ALPK2: variants seen among roughly 807,000 people sequenced by gnomAD.
ALPK2 encodes alpha-protein kinase 2.
Under a neutral mutation model 163.1 loss-of-function variants are expected in ALPK2, and 127 were observed. The observed-to-expected ratio is 0.78, with a 90% CI of 0.67 to 0.90. ALPK2 has a LOEUF of 0.90. ALPK2 is among the 40% of genes least tolerant of loss of function. ALPK2 has a pLI of 0.00. For missense variants in ALPK2, 2,360 were observed against 2,589.6 expected, an observed-to-expected ratio of 0.91 and a Z score of 1.92; for synonymous variants, 953 against 959.1, an observed-to-expected ratio of 0.99 and a Z score of 0.12.
At chr18:58,577,452 G>A (rs999714196) in intron 4 of ALPK2, among the ~76,000 whole-genome samples, 9 of 152,300 alleles carry the variant, frequency 5.9e-5, no homozygotes, top group East Asian at 1.9e-4. Context: ...AGCTGAGCAC[G>A]GAAGAGCATT....
chr18:58,523,293 T>A, intron 8 of ALPK2, among the ~76,000 whole-genome samples: 1 of 152,008 alleles, frequency 6.6e-6, no homozygotes, highest in Non-Finnish European at 1.5e-5. Flanking sequence ...ATGTGCCACA[T>A]TTTCTTAATC....
Position 58,504,064 on chromosome 18 carries a change from C to T in ALPK2, c.6114G>A (p.Val2038=), listed in dbSNP as rs774752276. The change falls in exon 11 of 13, where the codon GTG becomes GTA. Residue 2038 remains valine (V), a synonymous_variant. Transcript: ENST00000361673. ...TVEEELIGEF[V]KYSIRDGKEI... is the part of the protein sequence containing the mutation. ...CTTTCCCATCCCTGATGGAATACTT[C>T]ACAAATTCTCCAATCAGCTCCTCCT... The T allele has an allele frequency of 1.4e-5, 22 of 1,614,076 alleles. No homozygotes were observed. The highest frequency in any genetic ancestry group is 1.7e-5 in the Admixed American group (1 of 60,006).
chr18:58,604,421 C>T (rs1458708164), intron 3 of ALPK2, among the ~76,000 whole-genome samples: 2 of 152,148 alleles, frequency 1.3e-5, no homozygotes, highest in African/African-American at 4.8e-5. Flanking sequence ...ATGCTTAGGA[C>T]GTAGAGCGTG....
chr18:58,482,130 T>C (rs890585885), intron 12 of ALPK2, 91 bp from the exon 13 acceptor site: 15 of 877,482 alleles, frequency 1.7e-5, no homozygotes, highest in Non-Finnish European at 2.2e-5. Flanking sequence ...AAACTAATGG[T>C]GCATGGAACA....
At position 58,565,738 on chromosome 18, in the gene ALPK2, CCTT is replaced by C. The variant is rs1417836084; in HGVS notation, c.1962+13073_1962+13075del. Among the ~76,000 whole-genome samples the C allele has an allele frequency of 6.5e-4, 44 of 67,920 alleles. 1 individual carries two copies. The highest frequency in any genetic ancestry group is 6.8e-4 in the Non-Finnish European group (23 of 33,672). The allele number at this position is 67,920 out of a possible 152,430, so 44.6% of individuals were successfully genotyped here. On this transcript the variant is annotated intron_variant, in intron 4 of 12. Coordinates refer to ENST00000361673, the MANE Select transcript of ALPK2 (RefSeq NM_052947.4). ...TTGATATTTCTCTTTTTTGTTCCTT[CCTT>C]CCTTCCTTCCTTCCTTCCTTCCTTC...
intron 11 of ALPK2, among the ~76,000 whole-genome samples, chr18:58,502,116 C>CA (rs2051434159): frequency 7.2e-6 from 1 of 138,280 alleles, no homozygotes. Context: ...GCCTGAGCAA[C>CA]AAAGTGAAAC....
chr18:58,611,646 A>C, intron 2 of ALPK2, 43 bp downstream of exon 2: 1 of 1,538,340 alleles, frequency 6.5e-7, no homozygotes, highest in Admixed American at 1.8e-5. Flanking sequence ...CCTGGTATGC[A>C]GGGAGATTTT....
chr18:58,486,647 C>G (rs2051340620), intron 12 of ALPK2, among the ~76,000 whole-genome samples: 1 of 152,208 alleles, frequency 6.6e-6, no homozygotes, highest in African/African-American at 2.4e-5. Flanking sequence ...TGTTGAACTT[C>G]CCTTTCCCTG....
At chr18:58,621,237 A>C (rs141467450) in intron 1 of ALPK2, among the ~76,000 whole-genome samples, 1 of 152,130 alleles carries the variant, frequency 6.6e-6, no homozygotes, top group African/African-American at 2.4e-5. Flanking sequence ...ACATTAAATG[A>C]AATAAACAAT....
At chr18:58,609,783 C>T (rs1453539163) in intron 2 of ALPK2, among the ~76,000 whole-genome samples, 1 of 152,152 alleles carries the variant, frequency 6.6e-6, no homozygotes, top group Non-Finnish European at 1.5e-5. Flanking sequence ...AGAGCCACCT[C>T]CTAAACATTT....
At chr18:58,525,826 GCAGTAGTATTAGTGGGGAA>G (rs1208705818) in intron 6 of ALPK2, among the ~76,000 whole-genome samples, 1 of 152,170 alleles carries the variant, frequency 6.6e-6, no homozygotes, top group Non-Finnish European at 1.5e-5. Flanking sequence ...TTCGTGGTGA[GCAGTAGTATTAGTGGGGAA>G]CAGTAGTATT....
In ALPK2 at chr18:58,579,404, C is replaced by T. The variant is rs1245455690; in HGVS notation, c.1372G>A (p.Ala458Thr). ...RYKLPTAPEA[A>T]ENDYPGIQGE... ...TGAATTCCTGGATAATCATTTTCAG[C>T]AGCCTCGGGAGCAGTGGGGAGTTTA... The change falls in exon 4 of 13, where the codon GCT becomes ACT. Residue 458 changes from alanine to threonine, a missense_variant. Physicochemically the swap from Ala to Thr is moderately conservative, Grantham distance 58. Transcript: ENST00000361673. 1 of 1,614,182 alleles carries T rather than the reference C, an allele frequency of 6.2e-7. No homozygotes were observed. Among genetic ancestry groups the T allele is most frequent in the African/African-American group, 1.3e-5 (1 of 75,044 alleles).
intron 3 of ALPK2, among the ~76,000 whole-genome samples, chr18:58,603,484 C>T (rs538866144): frequency 1.2e-4 from 18 of 152,202 alleles, no homozygotes; most frequent in East Asian, 9.6e-4. Flanking sequence ...TGCTTTGTCC[C>T]GCTTTAGCCC....
chr18:58,509,851 G>A (rs2051480999), intron 10 of ALPK2, among the ~76,000 whole-genome samples: 1 of 151,340 alleles, frequency 6.6e-6, no homozygotes. Flanking sequence ...TCACTCTGAT[G>A]GTAGTTTCTT....
rs1373371445 is a variant in ALPK2 at position 58,537,757 on chromosome 18, A to G, written c.2430T>C (p.Gly810=). 1.9e-6 allele frequency: 3 copies of G among 1,614,006 alleles called. No individual in the cohort carries two copies. The highest frequency in any genetic ancestry group is 1.7e-6 in the Non-Finnish European group (2 of 1,179,986). ...TGGTATCAAAACACGTTCCTTGGTC[A>G]CCAGCCTCAAAACACTCCATTGCAC... ...AVCAMECFEA[G]DQGTCFDTID... The change falls in exon 5 of 13, where the codon GGT becomes GGC. Residue 810 remains glycine, a synonymous_variant. Transcript: ENST00000361673.
intron 4 of ALPK2, chr18:58,557,338 TG>T (rs1484985576): frequency 2.0e-5 from 3 of 151,858 alleles, no homozygotes; most frequent in African/African-American, 7.3e-5. Context: ...CACATGATGG[TG>T]GGGGAGGCGT....
At chr18:58,613,427 GCTCACGCCT>G (rs1245225898) in intron 1 of ALPK2, among the ~76,000 whole-genome samples, 2 of 152,110 alleles carry the variant, frequency 1.3e-5, no homozygotes, top group Non-Finnish European at 1.5e-5. Context: ...CGGCATGGTG[GCTCACGCCT>G]CTCATCCCAG....
chr18:58,620,623 A>T (rs536851438), intron 1 of ALPK2, among the ~76,000 whole-genome samples: 69 of 152,206 alleles, frequency 4.5e-4, no homozygotes, highest in South Asian at 1.0e-3. Flanking sequence ...TTTGCTTTTT[A>T]AAAAAAATCA....
intron 10 of ALPK2, among the ~76,000 whole-genome samples, chr18:58,506,935 G>A (rs2051464980): frequency 6.6e-6 from 1 of 152,000 alleles, no homozygotes; most frequent in Non-Finnish European, 1.5e-5. Context: ...GTCCCCTGGG[G>A]GTTGTGAACC....
Sources: gnomAD v4.1 joint callset for allele counts (sites outside exome capture counted in the v4.1 genomes callset) on GRCh38, gnomAD v4.1.1 for gene constraint, MANE v1.5 for transcripts, NCBI Gene and HGNC (gene_info 2026-07-23, HGNC 2026-07-21) for gene names.